Variants in DMD observed in about 807,000 individuals in gnomAD.
DMD encodes the protein dystrophin.
DMD carries 63 observed loss-of-function variants against 330.1 expected under a neutral mutation model. The observed-to-expected ratio is 0.19, with a 90% CI of 0.16 to 0.24. The LOEUF (loss-of-function observed/expected upper bound fraction) is 0.24, where lower values mean the gene tolerates loss of function less well. DMD is among the 10% of genes least tolerant of loss of function. DMD has a pLI of 1.00. For missense variants in DMD, 3,344 were observed against 2,684.1 expected (o/e 1.25, Z -5.43); for synonymous variants, 1,223 against 959.8 (o/e 1.27, Z -5.07).
intron 47 of DMD, among the ~76,000 whole-genome samples, chrX:31,889,975 A>G (rs2094218236): frequency 9.0e-6 from 1 of 110,572 alleles, no homozygotes; most frequent in Admixed American, 9.8e-5. Flanking sequence ...CTAAGTCATG[A>G]TCTGTACAGT....
intron 54 of DMD, among the ~76,000 whole-genome samples, chrX:31,648,617 C>CAAAA (rs548846514): frequency 1.6e-4 from 3 of 18,986 alleles, no homozygotes; most frequent in Non-Finnish European, 2.5e-4. Context: ...AAGGGAGCTG[C>CAAAA]AAAAAAAAAA....
chrX:32,717,294 C>A (rs991128023), intron 7 of DMD, among the ~76,000 whole-genome samples: 2 of 111,405 alleles, frequency 1.8e-5, no homozygotes, highest in Admixed American at 1.9e-4. Context: ...CACTGCTCTG[C>A]ACAACCTCAA....
At chrX:33,110,305 T>C (rs1285926547) in intron 1 of DMD, among the ~76,000 whole-genome samples, 2 of 111,603 alleles carry the variant, frequency 1.8e-5, no homozygotes, top group East Asian at 5.6e-4. Flanking sequence ...TGGATCCCTT[T>C]GGCATCTGGT....
chrX:32,942,648 T>C (rs1441528220), intron 2 of DMD, among the ~76,000 whole-genome samples: 3 of 112,086 alleles, frequency 2.7e-5, no homozygotes, highest in Non-Finnish European at 5.6e-5. Context: ...GGAAAGGAAA[T>C]ATAAGCCCAA....
At chrX:32,598,747 T>C (rs914691619) in intron 12 of DMD, among the ~76,000 whole-genome samples, 4 of 112,290 alleles carry the variant, frequency 3.6e-5, no homozygotes, top group Non-Finnish European at 7.5e-5. Context: ...CTATTTGTTT[T>C]ATAATTGGAA....
chrX:32,755,662 G>A (rs2071415981), intron 7 of DMD, among the ~76,000 whole-genome samples: 1 of 112,004 alleles, frequency 8.9e-6, no homozygotes, highest in Non-Finnish European at 1.9e-5. Context: ...TAAAATATAA[G>A]TTAAATAGCA....
chrX:32,804,587 GAGC>G (rs1164102178), intron 7 of DMD, among the ~76,000 whole-genome samples: 4 of 112,670 alleles, frequency 3.6e-5, no homozygotes, highest in East Asian at 5.6e-4. Flanking sequence ...GCTCTGAAGA[GAGC>G]AGCAGATCTC....
At chrX:32,272,715 AATGAT>A (rs1192259208) in intron 43 of DMD, among the ~76,000 whole-genome samples, 1 of 112,083 alleles carries the variant, frequency 8.9e-6, no homozygotes, top group Non-Finnish European at 1.9e-5. Context: ...TTGAGAATGA[AATGAT>A]ATATGTAAGG....
At chrX:32,300,566 A>AT (rs2097518836) in intron 42 of DMD, among the ~76,000 whole-genome samples, 1 of 111,893 alleles carries the variant, frequency 8.9e-6, no homozygotes, top group South Asian at 3.6e-4. Flanking sequence ...ATTGAAAACA[A>AT]TTTTACCAGT....
In DMD at chrX:32,592,323, C is replaced by G. The variant is rs145032152; in HGVS notation, c.1602+3434G>C. Among the ~76,000 whole-genome samples, 342 of 110,784 alleles carry G rather than the reference C, an allele frequency of 3.1e-3. 1 individual carries two copies. The highest frequency in any genetic ancestry group is 0.011 in the African/African-American group (331 of 30,425). On this transcript the variant is annotated intron_variant, in intron 13 of 78. Transcript: ENST00000357033. ...ATGGACCAATTAGAATGTACCTCCT[C>G]CCTTCCGAGCCCATAAAAACCCCAG...
At chrX:31,458,667 T>G (rs1384484801) in intron 59 of DMD, among the ~76,000 whole-genome samples, 1 of 109,602 alleles carries the variant, frequency 9.1e-6, no homozygotes, top group Non-Finnish European at 1.9e-5. Flanking sequence ...TCTGTGGGGG[T>G]GATGCTGCAT....
chrX:31,340,357 C>G (rs1179105429), intron 61 of DMD, among the ~76,000 whole-genome samples: 1 of 112,393 alleles, frequency 8.9e-6, no homozygotes, highest in Non-Finnish European at 1.9e-5. Flanking sequence ...CAAGAGGTCA[C>G]TGGTTAAAAG....
At chrX:31,616,320 G>A (rs1432817378) in intron 55 of DMD, among the ~76,000 whole-genome samples, 2 of 111,556 alleles carry the variant, frequency 1.8e-5, no homozygotes, top group Admixed American at 1.9e-4. Flanking sequence ...GTTTGGGTAA[G>A]CTTAGATGAA....
intron 1 of DMD, among the ~76,000 whole-genome samples, chrX:33,174,411 T>G (rs1312128329): frequency 8.9e-6 from 1 of 112,022 alleles, no homozygotes; most frequent in Non-Finnish European, 1.9e-5. Context: ...TTTAACACTT[T>G]TGAGTTATTT....
intron 59 of DMD, among the ~76,000 whole-genome samples, chrX:31,459,462 C>A (rs771753953): frequency 8.9e-6 from 1 of 112,140 alleles, no homozygotes; most frequent in East Asian, 2.8e-4. Context: ...AAATTGACTT[C>A]ACTCTGTTCA....
At chrX:31,328,326 T>C (rs889253893) in intron 61 of DMD, among the ~76,000 whole-genome samples, 2 of 111,282 alleles carry the variant, frequency 1.8e-5, no homozygotes, top group Non-Finnish European at 3.8e-5. Context: ...CAGAAGCCTC[T>C]CTTTATTGAT....
rs192902792 is a variant in DMD at position 32,394,202 on chromosome X, C to T, written c.4234-4021G>A. Among the ~76,000 whole-genome samples the T allele has an allele frequency of 5.0e-3, 553 of 111,449 alleles. 3 individuals carry two copies. Among genetic ancestry groups the T allele is most frequent in the African/African-American group, 0.017 (537 of 30,710 alleles). ...CCAGAGTGAAGCACAAAGCTCAGGG[C>T]CAACGGAAAATATCAACAGGAGGAG... is the stretch of plus-strand genomic sequence containing the variant. On this transcript the variant is annotated intron_variant, in intron 30 of 78. Coordinates refer to ENST00000357033, the MANE Select transcript of DMD (RefSeq NM_004006.3).
At chrX:32,455,993 A>G (rs2098356202) in intron 25 of DMD, among the ~76,000 whole-genome samples, 1 of 111,460 alleles carries the variant, frequency 9.0e-6, no homozygotes, top group Admixed American at 9.5e-5. Flanking sequence ...TATTACAATC[A>G]TTATACATAG....
chrX:33,129,626 T>C (rs1383670438), intron 1 of DMD, among the ~76,000 whole-genome samples: 1 of 109,749 alleles, frequency 9.1e-6, no homozygotes, highest in Non-Finnish European at 1.9e-5. Context: ...GATTTTTTTT[T>C]TCTCCGTTCC....
Sources: gnomAD v4.1 joint callset for allele counts (sites outside exome capture counted in the v4.1 genomes callset) on GRCh38, gnomAD v4.1.1 for gene constraint, MANE v1.5 for transcripts, NCBI Gene and HGNC (gene_info 2026-07-23, HGNC 2026-07-21) for gene names.